Variants in PTPRQ observed in about 807,000 individuals in gnomAD.
PTPRQ encodes protein tyrosine phosphatase receptor type Q.
Under a neutral mutation model 246.0 loss-of-function variants are expected in PTPRQ, and 199 were observed. That is an observed-to-expected ratio of 0.81 (90% CI 0.72 to 0.91). PTPRQ has a LOEUF of 0.91. Among genes scored for constraint, PTPRQ ranks in the 40% least tolerant of loss-of-function variants. The probability of loss-of-function intolerance (pLI) is 0.00; values close to 1 mark genes in which losing one functional copy is unlikely to be tolerated. For synonymous variants in PTPRQ, 869 were observed against 853.2 expected, an observed-to-expected ratio of 1.02 and a Z score of -0.32; for missense variants, 2,624 against 2,528.4, an observed-to-expected ratio of 1.04 and a Z score of -0.81.
intron 25 of PTPRQ, among the ~76,000 whole-genome samples, chr12:80,570,678 T>C (rs1897120216): frequency 6.6e-6 from 1 of 152,174 alleles, no homozygotes; most frequent in South Asian, 2.1e-4. Context: ...TCCTGAATGG[T>C]ATTGTGTAAG....
chr12:80,605,875 C>T (rs1415617947), intron 27 of PTPRQ, among the ~76,000 whole-genome samples: 1 of 150,926 alleles, frequency 6.6e-6, no homozygotes, highest in Admixed American at 6.6e-5. Flanking sequence ...TACTGTATAA[C>T]ATAGGCATGG....
intron 1 of PTPRQ, 22 bp from the exon 2 acceptor site, chr12:80,444,719 C>A (rs747325115): frequency 1.3e-6 from 2 of 1,502,032 alleles, no homozygotes; most frequent in Non-Finnish European, 1.8e-6. Flanking sequence ...TTTAATGCAA[C>A]TATTTGTTTG....
At chr12:80,475,155 T>C (rs569691903) in intron 8 of PTPRQ, among the ~76,000 whole-genome samples, 1 of 152,264 alleles carries the variant, frequency 6.6e-6, no homozygotes, top group Non-Finnish European at 1.5e-5. Flanking sequence ...ACACTTCAAA[T>C]CATTTGGAAT....
intron 20 of PTPRQ, among the ~76,000 whole-genome samples, chr12:80,540,321 C>G (rs1896115071): frequency 6.6e-6 from 1 of 152,058 alleles, no homozygotes; most frequent in Non-Finnish European, 1.5e-5. Flanking sequence ...TGAATCTACA[C>G]AGGACTCTGC....
At chr12:80,578,894 C>T (rs1239439617) in intron 25 of PTPRQ, among the ~76,000 whole-genome samples, 1 of 151,816 alleles carries the variant, frequency 6.6e-6, no homozygotes, top group Non-Finnish European at 1.5e-5. Context: ...TTGCTTTTCC[C>T]TTTATTTTAT....
intron 3 of PTPRQ, among the ~76,000 whole-genome samples, chr12:80,448,533 C>A (rs1287798675): frequency 6.6e-6 from 1 of 151,548 alleles, no homozygotes; most frequent in Non-Finnish European, 1.5e-5. Context: ...ACTCCCCCCA[C>A]CCCACAACAG....
intron 38 of PTPRQ, among the ~76,000 whole-genome samples, chr12:80,655,397 AATAG>A (rs1159123370): frequency 6.6e-6 from 1 of 152,176 alleles, no homozygotes; most frequent in Non-Finnish European, 1.5e-5. Flanking sequence ...CTTATTGGTT[AATAG>A]ATCATTTCCT....
At position 80,514,402 on chromosome 12, in the gene PTPRQ, A is replaced by ACACACACACACTCT. The variant is rs552667526; in HGVS notation, c.2678+3960_2678+3961insACACACACACTCTC. Among the ~76,000 whole-genome samples, 459 of 113,002 alleles carry ACACACACACACTCT rather than the reference A, an allele frequency of 4.1e-3. 2 individuals are homozygous for ACACACACACACTCT. Among genetic ancestry groups the ACACACACACACTCT allele is most frequent in the African/African-American group, 0.013 (408 of 30,964 alleles). 74.1% of individuals were successfully genotyped at this position (113,002 alleles called of 152,430 possible). The stretch of plus-strand genomic sequence containing the variant: ...CACACACACACACACACACACACAC[A>ACACACACACACTCT]CTCTCTCTCTCTCTCTCTGCTTTAA... On this transcript the variant is annotated intron_variant, in intron 17 of 44. Coordinates refer to ENST00000644991, the MANE Select transcript of PTPRQ (RefSeq NM_001145026.2).
At chr12:80,653,281 A>G (rs547996225) in intron 38 of PTPRQ, among the ~76,000 whole-genome samples, 1 of 152,310 alleles carries the variant, frequency 6.6e-6, no homozygotes, top group South Asian at 2.1e-4. Flanking sequence ...GCGCACTTAC[A>G]TGAATTCATT....
intron 35 of PTPRQ, among the ~76,000 whole-genome samples, chr12:80,643,438 CAAA>C (rs75925292): frequency 2.5e-5 from 3 of 120,672 alleles, no homozygotes; most frequent in Admixed American, 1.8e-4. Context: ...AATCCCATCT[CAAA>C]AAAAAAAAAA....
intron 33 of PTPRQ, among the ~76,000 whole-genome samples, chr12:80,623,344 A>G (rs1437080103): frequency 6.6e-6 from 1 of 152,226 alleles, no homozygotes; most frequent in African/African-American, 2.4e-5. Context: ...GAGAAATAAC[A>G]AATTTCTTTG....
At chr12:80,657,269 A>C (rs931681232) in intron 38 of PTPRQ, among the ~76,000 whole-genome samples, 1 of 151,898 alleles carries the variant, frequency 6.6e-6, no homozygotes, top group Admixed American at 6.6e-5. Flanking sequence ...ACTTGTATTT[A>C]AGGAAATCAA....
intron 35 of PTPRQ, among the ~76,000 whole-genome samples, chr12:80,642,716 C>A (rs890220932): frequency 2.0e-5 from 3 of 150,658 alleles, no homozygotes; most frequent in African/African-American, 4.9e-5. Context: ...GTCAGGAGAT[C>A]GAGACCATCC....
intron 6 of PTPRQ, among the ~76,000 whole-genome samples, chr12:80,465,770 A>G (rs1893379963): frequency 1.3e-5 from 2 of 152,162 alleles, no homozygotes; most frequent in South Asian, 4.1e-4. Flanking sequence ...GATTATCTCA[A>G]TAGATGCAGA....
Position 80,496,300 on chromosome 12 carries a change from G to T in PTPRQ, c.2041G>T (p.Glu681Ter). 1 of 1,550,698 alleles carries T rather than the reference G, an allele frequency of 6.4e-7. No individual in the cohort carries two copies. The highest frequency in any genetic ancestry group is 1.4e-5 in the African/African-American group (1 of 73,060). The change falls in exon 14 of 45, where the codon GAA becomes TAA. Residue 681 changes from glutamate (E) to a stop codon, truncating the protein, a stop_gained. Coordinates refer to ENST00000644991, the MANE Select transcript of PTPRQ (RefSeq NM_001145026.2). LOFTEE classifies it high-confidence loss of function. ...DVEVIDVTAD[E>*]IRLKWSPPEK... is the part of the protein sequence containing the mutation. Reference sequence around the variant, plus strand: ...CGAAGTAATTGATGTTACCGCAGATGAAATAAGGTTGAAGTGGTCACCACC... The same window carrying T: ...CGAAGTAATTGATGTTACCGCAGATTAAATAAGGTTGAAGTGGTCACCACC...
At chr12:80,515,745 T>TC (rs1160255082) in intron 17 of PTPRQ, among the ~76,000 whole-genome samples, 1 of 150,248 alleles carries the variant, frequency 6.7e-6, no homozygotes, top group Non-Finnish European at 1.5e-5. Flanking sequence ...AATATTTCTT[T>TC]TTTTTTTTTT....
At chr12:80,511,822 G>A (rs1895135282) in intron 17 of PTPRQ, among the ~76,000 whole-genome samples, 1 of 152,188 alleles carries the variant, frequency 6.6e-6, no homozygotes, top group Non-Finnish European at 1.5e-5. Flanking sequence ...ACCAGAGGAG[G>A]GTAACAGTGG....
chr12:80,486,644 C>G (rs867069933), intron 9 of PTPRQ, among the ~76,000 whole-genome samples: 2 of 152,052 alleles, frequency 1.3e-5, no homozygotes, highest in African/African-American at 4.8e-5. Context: ...TTAGTGTGTT[C>G]TTCATTTGTT....
At chr12:80,484,318 C>CTAATAG (rs1894196154) in intron 8 of PTPRQ, 115 bp from the exon 9 acceptor site, 1 of 1,293,844 alleles carries the variant, frequency 7.7e-7, no homozygotes, top group South Asian at 1.6e-5. Flanking sequence ...AGTCTGTTTT[C>CTAATAG]TAATAGAATT....
Sources: allele counts gnomAD v4.1 joint callset (sites outside exome capture counted in the v4.1 genomes callset), GRCh38; gene constraint gnomAD v4.1.1; transcripts MANE v1.5; gene names NCBI Gene and HGNC (gene_info 2026-07-23, HGNC 2026-07-21).